Variants in ROBO2 observed in about 807,000 individuals in gnomAD.
The protein encoded by ROBO2 is roundabout guidance receptor 2.
A neutral mutation model predicts 160.8 loss-of-function variants in ROBO2; 53 were observed. The ratio of observed to expected loss-of-function variants is 0.33; its 90% CI spans 0.26 to 0.41. The LOEUF is 0.41. Among genes scored for constraint, ROBO2 ranks in the 10% least tolerant of loss-of-function variants. The pLI is 1.00. For missense variants in ROBO2, 1,577 were observed against 1,722.4 expected, an observed-to-expected ratio of 0.92 and a Z score of 1.49; for synonymous variants, 664 against 611.7, an observed-to-expected ratio of 1.09 and a Z score of -1.26.
chr3:75,983,062 A>G (rs1009273371), intron 2 of ROBO2, among the ~76,000 whole-genome samples: 2 of 151,516 alleles, frequency 1.3e-5, no homozygotes, highest in African/African-American at 2.4e-5. Flanking sequence ...ATTTGTCATC[A>G]GTAATCAGGA....
At chr3:77,264,889 T>A (rs956790497) in intron 2 of ROBO2, among the ~76,000 whole-genome samples, 1 of 152,186 alleles carries the variant, frequency 6.6e-6, no homozygotes, top group African/African-American at 2.4e-5. Context: ...TCAACATTTT[T>A]AAAAGCTATA....
chr3:76,136,281 C>T (rs1434396793), intron 2 of ROBO2, among the ~76,000 whole-genome samples: 1 of 151,880 alleles, frequency 6.6e-6, no homozygotes, highest in Non-Finnish European at 1.5e-5. Context: ...AATCTTGTTT[C>T]TGCCTTTTTG....
intron 2 of ROBO2, among the ~76,000 whole-genome samples, chr3:76,183,106 C>T (rs763757294): frequency 5.3e-5 from 8 of 152,082 alleles, no homozygotes; most frequent in Non-Finnish European, 1.2e-4. Flanking sequence ...CTGTCATTCA[C>T]ATATCTGGTG....
At chr3:77,604,158 T>C (rs568146300) in intron 20 of ROBO2, 1 of 152,304 alleles carries the variant, frequency 6.6e-6, no homozygotes, top group South Asian at 2.1e-4. Context: ...TTGGTAGAAT[T>C]AGCTATATTA....
At chr3:76,676,033 T>C (rs1475497168) in intron 2 of ROBO2, among the ~76,000 whole-genome samples, 1 of 152,152 alleles carries the variant, frequency 6.6e-6, no homozygotes, top group African/African-American at 2.4e-5. Flanking sequence ...GAACATATGC[T>C]ATATTGTTAA....
intron 2 of ROBO2, among the ~76,000 whole-genome samples, chr3:77,275,629 C>T (rs2059776393): frequency 6.6e-6 from 1 of 152,042 alleles, no homozygotes; most frequent in Non-Finnish European, 1.5e-5. Context: ...TTTTCTTTAT[C>T]CCTCTTTATT....
intron 23 of ROBO2, among the ~76,000 whole-genome samples, chr3:77,628,336 A>T (rs949834198): frequency 6.6e-6 from 1 of 151,666 alleles, no homozygotes; most frequent in African/African-American, 2.4e-5. Context: ...GTTTATACTT[A>T]TGTTTGTGAA....
At chr3:77,281,531 T>A (rs1426476451) in intron 2 of ROBO2, among the ~76,000 whole-genome samples, 1 of 151,690 alleles carries the variant, frequency 6.6e-6, no homozygotes, top group Non-Finnish European at 1.5e-5. Context: ...CCAGAAATAG[T>A]CTTAGAAATG....
intron 2 of ROBO2, among the ~76,000 whole-genome samples, chr3:77,128,080 T>C (rs1267029983): frequency 6.6e-6 from 1 of 152,210 alleles, no homozygotes; most frequent in Non-Finnish European, 1.5e-5. Flanking sequence ...TTATGATTCA[T>C]TAAGATAGAA....
chr3:76,340,833 G>T (rs1450233854), intron 2 of ROBO2, among the ~76,000 whole-genome samples: 1 of 152,094 alleles, frequency 6.6e-6, no homozygotes, highest in Non-Finnish European at 1.5e-5. Flanking sequence ...GTAACCATCA[G>T]AGTTCTTATA....
chr3:77,479,421 T>A (rs114192402), intron 3 of ROBO2, among the ~76,000 whole-genome samples: 2,701 of 152,226 alleles, frequency 0.018, 76 homozygotes, highest in African/African-American at 0.06. Context: ...TCAGAGAGCT[T>A]CCCTCTCTGT....
chr3:77,123,779 A>G (rs1253576868), intron 2 of ROBO2, among the ~76,000 whole-genome samples: 2 of 149,060 alleles, frequency 1.3e-5, no homozygotes, highest in Non-Finnish European at 3.0e-5. Flanking sequence ...ATAGATGCAT[A>G]TGTATCTAGA....
chr3:77,156,636 A>G (rs2078032652), intron 2 of ROBO2, among the ~76,000 whole-genome samples: 1 of 151,806 alleles, frequency 6.6e-6, no homozygotes, highest in Admixed American at 6.6e-5. Context: ...CTCCTGTAAT[A>G]TTGCAGGCAT....
chr3:76,729,641 T>TCTC (rs1560457530), intron 2 of ROBO2, among the ~76,000 whole-genome samples: 10 of 56,852 alleles, frequency 1.8e-4, no homozygotes, highest in African/African-American at 1.2e-3. Flanking sequence ...CTCTCTCTCT[T>TCTC]TTTTTTTTTT....
Position 77,295,603 on chromosome 3 carries a change from C to A in ROBO2, c.389-181811C>A, listed in dbSNP as rs1319100074. Among the ~76,000 whole-genome samples the A allele has an allele frequency of 2.4e-4, 20 of 81,922 alleles. 2 individuals are homozygous for A. The highest frequency in any genetic ancestry group is 2.3e-3 in the Admixed American group (20 of 8,536). The allele number at this position is 81,922 out of a possible 152,430, so 53.7% of individuals were successfully genotyped here. On this transcript the variant is annotated intron_variant, in intron 2 of 25. Coordinates refer to ENST00000461745, the Ensembl canonical transcript of ROBO2. ...AACGGGTAAGCTGAGGCTAGATCAC[C>A]CCACACATAAAGTAAAATTGACGGT...
intron 2 of ROBO2, among the ~76,000 whole-genome samples, chr3:77,336,111 G>A (rs532907308): frequency 1.3e-5 from 2 of 152,258 alleles, no homozygotes; most frequent in East Asian, 3.9e-4. Context: ...GATAATCAAT[G>A]GGCAGAAATA....
exon 22 of ROBO2, chr3:77,617,515 A>G (rs372099694): frequency 6.2e-7 from 1 of 1,614,148 alleles, no homozygotes; most frequent in Admixed American, 1.7e-5. Context: ...AATTTCAGCT[A>G]TGACAGTGAT....
At position 76,453,073 on chromosome 3, in the gene ROBO2, T is replaced by G. The variant is rs1052222673; in HGVS notation, c.109+515471T>G. Among the ~76,000 whole-genome samples, 99 of 152,308 alleles carry G rather than the reference T, an allele frequency of 6.5e-4. 1 individual carries two copies. The highest frequency in any genetic ancestry group is 6.8e-3 in the Middle Eastern group (2 of 294). ...TGAGTTCATTGTAGATTCTGGATATTAGCCCTTTGTCAGATGAGTAGGTTG... is the reference window on the plus strand; with the variant it reads ...TGAGTTCATTGTAGATTCTGGATATGAGCCCTTTGTCAGATGAGTAGGTTG... On this transcript the variant is annotated intron_variant, in intron 2 of 26. Coordinates refer to the ROBO2 transcript ENST00000487694.
At chr3:76,031,376 C>G (rs1020740682) in intron 2 of ROBO2, among the ~76,000 whole-genome samples, 1 of 152,130 alleles carries the variant, frequency 6.6e-6, no homozygotes, top group Non-Finnish European at 1.5e-5. Flanking sequence ...CCTGATTGCC[C>G]TGGCCAGAAC....
Sources: allele counts gnomAD v4.1 joint callset (sites outside exome capture counted in the v4.1 genomes callset), GRCh38; gene constraint gnomAD v4.1.1; transcripts MANE v1.5; gene names NCBI Gene and HGNC (gene_info 2026-07-23, HGNC 2026-07-21).